The following NBEAL1 variants were observed in gnomAD, a reference collection of about 807,000 sequenced individuals.
NBEAL1 encodes neurobeachin-like protein 1.
A neutral mutation model predicts 351.3 loss-of-function variants in NBEAL1; 273 were observed. The ratio of observed to expected loss-of-function variants is 0.78; its 90% CI spans 0.70 to 0.86. The LOEUF is 0.86. Among genes scored for constraint, NBEAL1 ranks in the 40% least tolerant of loss-of-function variants. NBEAL1 has a pLI of 0.00. For synonymous variants in NBEAL1, 1,050 were observed against 1,086.4 expected (o/e 0.97, Z 0.66); for missense variants, 2,961 against 3,201.3 (o/e 0.92, Z 1.81).
intron 35 of NBEAL1, among the ~76,000 whole-genome samples, chr2:203,153,049 A>G (rs966073301): frequency 6.6e-6 from 1 of 152,080 alleles, no homozygotes; most frequent in Admixed American, 6.6e-5. Context: ...AACAACAACA[A>G]CAACAACAAA....
In NBEAL1 at chr2:203,041,821, A is replaced by G. The variant is rs1422734540; in HGVS notation, c.108A>G (p.Gln36=). The change falls in exon 3 of 56, where the codon CAA becomes CAG. Residue 36 remains glutamine (Q), a synonymous_variant. Coordinates refer to ENST00000683969, the MANE Select transcript of NBEAL1 (RefSeq NM_001378026.1). The part of the protein sequence containing the change: ...WLDTFVSSYE[Q]FLDVDFEKLP... Reference sequence around the variant, plus strand: ...ACACTTTTGTTTCTAGCTATGAACAATTTTTAGACGTTGACTTTGAAAAGC... The same window carrying G: ...ACACTTTTGTTTCTAGCTATGAACAGTTTTTAGACGTTGACTTTGAAAAGC... The G allele has an allele frequency of 2.6e-6, 4 of 1,554,058 alleles. No homozygotes were observed. The highest frequency in any genetic ancestry group is 1.2e-5 in the South Asian group (1 of 84,332).
chr2:203,019,579 C>G lies in NBEAL1; in HGVS notation c.51+3144C>G, dbSNP rs563786051. ...TTGGAAGATTTATGAAGGACTGCTT[C>G]CGGGCAGTAAGGTTAAGACCTCCTC... is the stretch of plus-strand genomic sequence containing the variant. On this transcript the variant is annotated intron_variant, in intron 2 of 55. Transcript: ENST00000683969. Among the ~76,000 whole-genome samples the G allele has an allele frequency of 4.3e-4, 65 of 152,298 alleles. 2 individuals are homozygous for G. In the South Asian group the frequency reaches 0.013, roughly 30 times the overall value.
chr2:203,217,229 A>C, intron 55 of NBEAL1, 24 bp from the exon 56 acceptor site: 1 of 1,462,736 alleles, frequency 6.8e-7, no homozygotes, highest in Non-Finnish European at 9.1e-7. Context: ...TTTATTCTTC[A>C]TTTCTTTGGA....
chr2:203,080,418 A>G (rs2061852544), intron 8 of NBEAL1, among the ~76,000 whole-genome samples: 1 of 152,174 alleles, frequency 6.6e-6, no homozygotes, highest in African/African-American at 2.4e-5. Context: ...TCTCAAAAAA[A>G]AAGTTTCTTA....
At chr2:203,134,858 A>G (rs1408716355) in intron 27 of NBEAL1, among the ~76,000 whole-genome samples, 1 of 152,160 alleles carries the variant, frequency 6.6e-6, no homozygotes, top group Non-Finnish European at 1.5e-5. Context: ...AGCAATGTAG[A>G]CTTTAGTGTA....
Position 203,083,308 on chromosome 2 carries a change from T to C in NBEAL1, c.774T>C (p.Pro258=). The C allele has an allele frequency of 6.4e-7, 1 of 1,553,384 alleles. No individual in the cohort carries two copies. ...ADCDSWEDGD[P]EEVGRKAELT... Reference sequence around the variant, plus strand: ...GTGATTCCTGGGAGGATGGAGATCCTGAAGAAGTGGGTAGGAAGGCAGAAC... The same window carrying C: ...GTGATTCCTGGGAGGATGGAGATCCCGAAGAAGTGGGTAGGAAGGCAGAAC... Residue 258 remains proline (P), a synonymous_variant, in exon 9 of 56, where the codon CCT becomes CCC. Coordinates refer to ENST00000683969, the MANE Select transcript of NBEAL1 (RefSeq NM_001378026.1).
At chr2:203,099,952 T>G (rs151235050) in intron 12 of NBEAL1, among the ~76,000 whole-genome samples, 1 of 152,306 alleles carries the variant, frequency 6.6e-6, no homozygotes, top group African/African-American at 2.4e-5. Context: ...TGTGTCCATA[T>G]GAACTCAGTG....
chr2:203,190,205 C>G (rs2065029903), intron 45 of NBEAL1, 87 bp from the exon 46 acceptor site: 1 of 528,368 alleles, frequency 1.9e-6, no homozygotes, highest in Admixed American at 2.9e-5. Context: ...CACACACACA[C>G]ACACCAATGA....
intron 6 of NBEAL1, among the ~76,000 whole-genome samples, chr2:203,063,538 AG>A (rs2061533988): frequency 6.6e-6 from 1 of 151,874 alleles, no homozygotes; most frequent in Non-Finnish European, 1.5e-5. Flanking sequence ...GAGGGAAGGA[AG>A]GAGAAGAGAA....
At chr2:203,024,030 C>A (rs2060812043) in intron 2 of NBEAL1, among the ~76,000 whole-genome samples, 1 of 151,028 alleles carries the variant, frequency 6.6e-6, no homozygotes, top group African/African-American at 2.4e-5. Context: ...TGGGTTGCCT[C>A]AGAAAGTACA....
intron 7 of NBEAL1, among the ~76,000 whole-genome samples, chr2:203,075,906 T>G (rs992970411): frequency 6.6e-6 from 1 of 152,238 alleles, no homozygotes; most frequent in Non-Finnish European, 1.5e-5. Context: ...TATTCTGATA[T>G]AGGTGGAACT....
At chr2:203,046,966 G>C (rs1477780897) in intron 3 of NBEAL1, among the ~76,000 whole-genome samples, 2 of 152,098 alleles carry the variant, frequency 1.3e-5, no homozygotes, top group African/African-American at 2.4e-5. Flanking sequence ...TCTGAGGTCG[G>C]GATTTCGAGA....
intron 33 of NBEAL1, among the ~76,000 whole-genome samples, chr2:203,147,097 T>G (rs891829501): frequency 6.6e-6 from 1 of 152,174 alleles, no homozygotes; most frequent in Non-Finnish European, 1.5e-5. Flanking sequence ...TTCTCTAAGA[T>G]AGGGAACTAG....
chr2:203,212,893 G>C (rs1462475253), intron 54 of NBEAL1, among the ~76,000 whole-genome samples: 1 of 152,146 alleles, frequency 6.6e-6, no homozygotes, highest in Non-Finnish European at 1.5e-5. Flanking sequence ...GGTGTGTACT[G>C]TGCTGCATTT....
At position 203,224,571 on chromosome 2, in the gene NBEAL1, A is replaced by G. The variant is rs1362348414; in HGVS notation, c.*7217A>G. Among the ~76,000 whole-genome samples the G allele has an allele frequency of 2.0e-5, 3 of 152,158 alleles. No individual in the cohort carries two copies. The highest frequency in any genetic ancestry group is 4.4e-5 in the Non-Finnish European group (3 of 67,982). On this transcript the variant is annotated 3_prime_UTR_variant, in exon 56 of 56. Transcript: ENST00000683969. ...CAGTGACTTGAATGCATGTATATGCACATAGTCAATTCAGAGCGTAATAAC... is the reference window on the plus strand; with the variant it reads ...CAGTGACTTGAATGCATGTATATGCGCATAGTCAATTCAGAGCGTAATAAC...
At chr2:203,077,125 C>T (rs2106150890) in intron 7 of NBEAL1, among the ~76,000 whole-genome samples, 1 of 151,990 alleles carries the variant, frequency 6.6e-6, no homozygotes, top group Admixed American at 6.6e-5. Context: ...AAAGACCTGA[C>T]AAGGGGCCGG....
rs1320437912 is a variant in NBEAL1 at position 203,217,983 on chromosome 2, A to C, written c.*629A>C. On this transcript the variant is annotated 3_prime_UTR_variant, in exon 56 of 56. Coordinates refer to ENST00000683969, the MANE Select transcript of NBEAL1 (RefSeq NM_001378026.1). ...TCCTTAATAAAAATTGAGTAGAAAA[A>C]AGTGGAACTAGAGATACATTTTACA... is the stretch of plus-strand genomic sequence containing the variant. 1.1e-6 allele frequency: 1 copy of C among 876,434 alleles called. No individual in the cohort carries two copies. The highest frequency in any genetic ancestry group is 1.4e-6 in the Non-Finnish European group (1 of 730,992). 54.3% of individuals were successfully genotyped at this position (876,434 alleles called of 1,614,324 possible).
At chr2:203,214,315 G>A (rs1450563901) in intron 55 of NBEAL1, among the ~76,000 whole-genome samples, 1 of 152,128 alleles carries the variant, frequency 6.6e-6, no homozygotes, top group East Asian at 1.9e-4. Context: ...TAACAATATG[G>A]GATCTGTCGG....
intron 46 of NBEAL1, chr2:203,190,610 A>T (rs1376967898): frequency 5.2e-5 from 26 of 501,060 alleles, no homozygotes; most frequent in Non-Finnish European, 1.9e-5. Flanking sequence ...CTCATTCCAC[A>T]TGTAAAACTT....
Sources: gnomAD v4.1 joint callset for allele counts (sites outside exome capture counted in the v4.1 genomes callset) on GRCh38, gnomAD v4.1.1 for gene constraint, MANE v1.5 for transcripts, NCBI Gene and HGNC (gene_info 2026-07-23, HGNC 2026-07-21) for gene names.